The following CLN6 variants were observed in gnomAD, a reference collection of about 807,000 sequenced individuals.
CLN6 encodes ceroid-lipofuscinosis neuronal protein 6.
Under a neutral mutation model 33.3 loss-of-function variants are expected in CLN6, and 22 were observed. That is an observed-to-expected ratio of 0.66 (90% CI 0.47 to 0.94). The LOEUF (loss-of-function observed/expected upper bound fraction) is 0.94, where lower values mean the gene tolerates loss of function less well. Among genes scored for constraint, CLN6 ranks in the 40% least tolerant of loss-of-function variants. CLN6 has a pLI of 0.00. For synonymous variants in CLN6, 201 were observed against 174.6 expected, an observed-to-expected ratio of 1.15 and a Z score of -1.19; for missense variants, 387 against 417.1, an observed-to-expected ratio of 0.93 and a Z score of 0.63.
chr15:68,253,937 C>G (rs1975873), intron 1 of CLN6, among the ~76,000 whole-genome samples: 71,707 of 150,724 alleles, frequency 0.48, 17,897 homozygotes, highest in Non-Finnish European at 0.56. Context: ...GCGCAAACTC[C>G]GCTTGCAGTG....
rs979347577 is a variant in CLN6, at chr15:68,220,178, T to C, written c.84-1528A>G. On this transcript the variant is annotated intron_variant, in intron 1 of 6. Transcript: ENST00000249806. The surrounding 1 kb of genome is among the most constrained non-coding windows in gnomAD (Gnocchi z 4.2). ...GCAGGCAAGACAGGTTGGGTAGGCC[T>C]TCCCTAGGTCAGCTAAGTCTTCCTG... is the stretch of plus-strand genomic sequence containing the variant. 6.6e-6 allele frequency among the ~76,000 whole-genome samples: 1 copy of C among 152,194 alleles called. No individual in the cohort carries two copies. The highest frequency in any genetic ancestry group is 2.4e-5 in the African/African-American group (1 of 41,454).
At chr15:68,215,485 G>A (rs1184574883) in intron 2 of CLN6, 1 of 152,158 alleles carries the variant, frequency 6.6e-6, no homozygotes, top group East Asian at 1.9e-4. Flanking sequence ...GACATGGAGA[G>A]AGAGCTATAT....
In CLN6 at chr15:68,207,799, G is replaced by C; in HGVS notation, c.*341C>G. On this transcript the variant is annotated 3_prime_UTR_variant, in exon 7 of 7. Coordinates refer to ENST00000249806, the MANE Select transcript of CLN6 (RefSeq NM_017882.3). ...CCTGCACGGCTACCAGAAGATGTCC[G>C]GGAAGAACAGACTAGCCCTGAGTAG... 2.6e-6 allele frequency: 1 copy of C among 380,808 alleles called. No homozygotes were observed. Among genetic ancestry groups the C allele is most frequent in the Non-Finnish European group, 5.0e-6 (1 of 199,820 alleles). 23.6% of individuals were successfully genotyped at this position (380,808 alleles called of 1,614,324 possible).
intron 1 of CLN6, among the ~76,000 whole-genome samples, 189 bp downstream of exon 1, chr15:68,229,313 G>C (rs980605889): frequency 2.7e-5 from 4 of 148,850 alleles, no homozygotes; most frequent in Non-Finnish European, 5.9e-5. Context: ...AGGCTCCCCA[G>C]ACAGAGAAGG....
chr15:68,233,589 CT>C (rs1892187526), upstream of CLN6, among the ~76,000 whole-genome samples: 7 of 152,338 alleles, frequency 4.6e-5, no homozygotes, highest in South Asian at 1.5e-3. The surrounding 1 kb of genome is among the most constrained non-coding windows in gnomAD (Gnocchi z 4.3). Context: ...TTCAAAACAT[CT>C]TCCCACACTG....
At chr15:68,245,524 C>T (rs1477787839) in intron 1 of CLN6, among the ~76,000 whole-genome samples, 1 of 152,018 alleles carries the variant, frequency 6.6e-6, no homozygotes, top group Non-Finnish European at 1.5e-5. Flanking sequence ...CATGATTGCA[C>T]CACTGTACTC....
rs1045148023 is a variant in CLN6, at chr15:68,256,297, C to A, written c.179+393G>T. On this transcript the variant is annotated intron_variant, in intron 1 of 6. Transcript: ENST00000538696. This position sits in a 1 kb window ranked among gnomAD's most constrained non-coding sequence, Gnocchi z 4.1. ...AATTTTTTTGTATTTTTAGTAGAGGCGGGGTTTCACTATGTTGGCCAGGCT... is the reference window on the plus strand; with the variant it reads ...AATTTTTTTGTATTTTTAGTAGAGGAGGGGTTTCACTATGTTGGCCAGGCT... Among the ~76,000 whole-genome samples, 2 of 151,666 alleles carry A rather than the reference C, an allele frequency of 1.3e-5. No homozygotes were observed. The highest frequency in any genetic ancestry group is 2.9e-5 in the Non-Finnish European group (2 of 67,880).
intron 2 of CLN6, chr15:68,215,708 T>G (rs1334287883): frequency 6.6e-6 from 1 of 152,196 alleles, no homozygotes; most frequent in Non-Finnish European, 1.5e-5. Flanking sequence ...TCCTCCTGCC[T>G]TGGCCTCCCA....
chr15:68,218,734 T>C, intron 1 of CLN6, 84 bp from the exon 2 acceptor site: 1 of 1,007,776 alleles, frequency 9.9e-7, no homozygotes, highest in Non-Finnish European at 1.6e-6. Flanking sequence ...CAAAGAGGTC[T>C]GGGGACTTGA....
chr15:68,218,352 C>T (rs975773505), intron 2 of CLN6, 184 bp downstream of exon 2: 4 of 555,330 alleles, frequency 7.2e-6, no homozygotes, highest in Non-Finnish European at 1.3e-5. Context: ...TCAGGCCCCC[C>T]ACTTGCTGGC....
Position 68,242,467 on chromosome 15 carries a change from G to A in CLN6, c.179+14223C>T, listed in dbSNP as rs1191788306. ...AAAAGATCAAATCTAATAATTATTGGTGTTCAAGAGGGAGTTGAGCAAGAA... is the reference window on the plus strand; with the variant it reads ...AAAAGATCAAATCTAATAATTATTGATGTTCAAGAGGGAGTTGAGCAAGAA... On this transcript the variant is annotated intron_variant, in intron 1 of 6. Coordinates refer to the CLN6 transcript ENST00000538696. This position sits in a 1 kb window ranked among gnomAD's most constrained non-coding sequence, Gnocchi z 5.0. 6.6e-6 allele frequency among the ~76,000 whole-genome samples: 1 copy of A among 152,028 alleles called. No individual in the cohort carries two copies. The highest frequency in any genetic ancestry group is 1.5e-5 in the Non-Finnish European group (1 of 68,000).
chr15:68,239,627 G>T (rs550997421), intron 1 of CLN6, among the ~76,000 whole-genome samples: 1 of 152,196 alleles, frequency 6.6e-6, no homozygotes, highest in African/African-American at 2.4e-5. Flanking sequence ...AAAATTTATA[G>T]AATTATGAAA....
At chr15:68,214,758 CT>C (rs1216041501) in intron 2 of CLN6, 10 of 338,272 alleles carry the variant, frequency 3.0e-5, no homozygotes, top group Admixed American at 2.0e-4. Flanking sequence ...CTGGGTGACC[CT>C]GGGCTAATAC....
chr15:68,228,188 G>C lies in CLN6; in HGVS notation c.83+1314C>G, dbSNP rs1011603140. On this transcript the variant is annotated intron_variant, in intron 1 of 6. Transcript: ENST00000249806. This position sits in a 1 kb window ranked among gnomAD's most constrained non-coding sequence, Gnocchi z 4.4. ...TTCTAAGTGAAAACGGACACAGTCC[G>C]CAGCTGCTCAGCCCGCATGTCCGCA... Among the ~76,000 whole-genome samples the C allele has an allele frequency of 6.6e-6, 1 of 152,138 alleles. No individual in the cohort carries two copies. The highest frequency in any genetic ancestry group is 1.5e-5 in the Non-Finnish European group (1 of 68,020).
Position 68,228,639 on chromosome 15 carries a change from C to T in CLN6, c.83+863G>A, listed in dbSNP as rs2093258920. ...TTCCCTGGATGGAACAGCCTGTCTT[C>T]CCTGGGTCCCCTACCAAGTCCTCTG... On this transcript the variant is annotated intron_variant, in intron 1 of 6. Transcript: ENST00000249806. The surrounding 1 kb of genome is among the most constrained non-coding windows in gnomAD (Gnocchi z 4.4). 6.6e-6 allele frequency among the ~76,000 whole-genome samples: 1 copy of T among 152,082 alleles called. No homozygotes were observed. The highest frequency in any genetic ancestry group is 6.6e-5 in the Admixed American group (1 of 15,266).
intron 2 of CLN6, among the ~76,000 whole-genome samples, chr15:68,217,669 G>C (rs1284190076): frequency 6.6e-6 from 1 of 152,128 alleles, no homozygotes; most frequent in East Asian, 1.9e-4. Context: ...AGTAAACTGA[G>C]AGTATAGGCC....
intron 1 of CLN6, among the ~76,000 whole-genome samples, chr15:68,238,231 C>G (rs1225982516): frequency 6.6e-6 from 1 of 151,298 alleles, no homozygotes; most frequent in Non-Finnish European, 1.5e-5. Flanking sequence ...TGGTGAAACC[C>G]TATCTCCACT....
rs553181853 is a variant in CLN6, at chr15:68,227,385, G to T, written c.83+2117C>A. Among the ~76,000 whole-genome samples, 4 of 152,228 alleles carry T rather than the reference G, an allele frequency of 2.6e-5. No individual in the cohort carries two copies. The highest frequency in any genetic ancestry group is 2.1e-4 in the South Asian group (1 of 4,832). ...AATACAAAAACTGGCAACAAAGCAG[G>T]TGGACGTTGGAATGGGTTACCTTAA... On this transcript the variant is annotated intron_variant, in intron 1 of 6. Coordinates refer to ENST00000249806, the MANE Select transcript of CLN6 (RefSeq NM_017882.3). This position sits in a 1 kb window ranked among gnomAD's most constrained non-coding sequence, Gnocchi z 4.1.
At chr15:68,239,513 A>AT (rs1892263090) in intron 1 of CLN6, among the ~76,000 whole-genome samples, 1 of 152,180 alleles carries the variant, frequency 6.6e-6, no homozygotes, top group Non-Finnish European at 1.5e-5. Flanking sequence ...TATAAGAGAT[A>AT]AATAAGGACT....
Sources: gnomAD v4.1 joint callset for allele counts (sites outside exome capture counted in the v4.1 genomes callset) on GRCh38, gnomAD v4.1.1 for gene constraint, Gnocchi (gnomAD v3.1) non-coding constraint, MANE v1.5 for transcripts, NCBI Gene and HGNC (gene_info 2026-07-23, HGNC 2026-07-21) for gene names.